GPM6B: variants seen among roughly 807,000 people sequenced by gnomAD.
The protein encoded by GPM6B is neuronal membrane glycoprotein M6-b.
GPM6B carries 4 observed loss-of-function variants against 27.2 expected under a neutral mutation model. That is an observed-to-expected ratio of 0.15 (90% CI 0.07 to 0.34). GPM6B has a LOEUF of 0.34. Ranked by LOEUF, GPM6B falls within the 10% of genes least tolerant of loss-of-function variation. The pLI, the probability that GPM6B is intolerant of heterozygous loss-of-function variation, is 1.00. For missense variants in GPM6B, 183 were observed against 261.9 expected, an observed-to-expected ratio of 0.70 and a Z score of 2.08; for synonymous variants, 124 against 103.1, an observed-to-expected ratio of 1.20 and a Z score of -1.23.
At chrX:13,924,455 G>C (rs939387240) in intron 1 of GPM6B, among the ~76,000 whole-genome samples, 2 of 109,753 alleles carry the variant, frequency 1.8e-5, no homozygotes, top group Non-Finnish European at 3.8e-5. Flanking sequence ...GCGTATCACC[G>C]GCCAGGCTAA....
intron 1 of GPM6B, among the ~76,000 whole-genome samples, chrX:13,840,420 C>T (rs1369113183): frequency 1.8e-5 from 2 of 111,718 alleles, no homozygotes; most frequent in African/African-American, 6.5e-5. Flanking sequence ...GGAAGGCTGA[C>T]ACCACGCGCC....
chrX:13,861,960 G>C (rs5978666), intron 1 of GPM6B, among the ~76,000 whole-genome samples: 31,373 of 110,507 alleles, frequency 0.28, 4,109 homozygotes, highest in African/African-American at 0.51. Flanking sequence ...GAAATGGTAA[G>C]AATCAACAGT....
intron 1 of GPM6B, among the ~76,000 whole-genome samples, chrX:13,812,289 T>C (rs2049151646): frequency 9.1e-6 from 1 of 110,296 alleles, no homozygotes. Context: ...TCTTGACCTC[T>C]TGATCCGCCC....
chrX:13,860,766 CTT>C (rs2049835898), intron 1 of GPM6B, among the ~76,000 whole-genome samples: 1 of 109,711 alleles, frequency 9.1e-6, no homozygotes, highest in Non-Finnish European at 1.9e-5. Flanking sequence ...AATGTGTAGT[CTT>C]TTATCCCTTG....
At chrX:13,888,081 C>T (rs1287103381) in intron 1 of GPM6B, among the ~76,000 whole-genome samples, 1 of 112,358 alleles carries the variant, frequency 8.9e-6, no homozygotes, top group Non-Finnish European at 1.9e-5. Flanking sequence ...TCCCTAAAGA[C>T]ACTTTCAGTA....
At position 13,772,361 on chromosome X, in the gene GPM6B, A is replaced by C. The variant is rs1340630134; in HGVS notation, c.*520T>G. The C allele has an allele frequency of 1.8e-5, 2 of 112,424 alleles. No homozygotes were observed. Among genetic ancestry groups the C allele is most frequent in the African/African-American group, 6.5e-5 (2 of 30,887 alleles). 9.3% of individuals were successfully genotyped at this position (112,424 alleles called of 1,213,427 possible). On this transcript the variant is annotated 3_prime_UTR_variant, in exon 8 of 8. Coordinates refer to ENST00000316715, the MANE Select transcript of GPM6B (RefSeq NM_001001995.3). Reference sequence around the variant, plus strand: ...AAAGCTAGTTTGAGAAATCAATCATAAGAATCACATTATCTTTGATCCAAA... The same window carrying C: ...AAAGCTAGTTTGAGAAATCAATCATCAGAATCACATTATCTTTGATCCAAA...
At chrX:13,918,268 T>TG (rs1035679955) in intron 1 of GPM6B, among the ~76,000 whole-genome samples, 2 of 112,969 alleles carry the variant, frequency 1.8e-5, no homozygotes, top group African/African-American at 6.4e-5. Flanking sequence ...CAACGACAGT[T>TG]GGGAAGCTGG....
At chrX:13,799,385 GTATTAT>G (rs1211626204) in intron 2 of GPM6B, among the ~76,000 whole-genome samples, 4 of 89,552 alleles carry the variant, frequency 4.5e-5, no homozygotes, top group Non-Finnish European at 6.4e-5. Flanking sequence ...GCTGATTTTT[GTATTAT>G]TATTATTATT....
intron 1 of GPM6B, among the ~76,000 whole-genome samples, chrX:13,888,728 A>C (rs1371478134): frequency 9.0e-6 from 1 of 111,521 alleles, no homozygotes; most frequent in Non-Finnish European, 1.9e-5. Context: ...GAAATGAAGT[A>C]GAAAAAAAAT....
At chrX:13,814,466 A>G (rs1163438124) in intron 1 of GPM6B, among the ~76,000 whole-genome samples, 2 of 112,731 alleles carry the variant, frequency 1.8e-5, no homozygotes, top group Non-Finnish European at 3.8e-5. Context: ...AAAACATAAA[A>G]AACGGATCCA....
chrX:13,791,206 T>C, intron 2 of GPM6B, among the ~76,000 whole-genome samples: 1 of 101,651 alleles, frequency 9.8e-6, no homozygotes, highest in Admixed American at 1.0e-4. Flanking sequence ...CAATGCCAGG[T>C]TTTTTTTTTT....
chrX:13,932,261 G>A (rs915872938), intron 1 of GPM6B, among the ~76,000 whole-genome samples: 12 of 111,151 alleles, frequency 1.1e-4, no homozygotes, highest in Non-Finnish European at 1.9e-4. Context: ...TGTATCCAGG[G>A]CCTGGACCAT....
At chrX:13,886,029 T>C (rs771470887) in intron 1 of GPM6B, among the ~76,000 whole-genome samples, 20 of 112,559 alleles carry the variant, frequency 1.8e-4, no homozygotes, top group Admixed American at 1.3e-3. Flanking sequence ...ACGTATGCTT[T>C]TGCGATATAC....
intron 1 of GPM6B, among the ~76,000 whole-genome samples, chrX:13,823,893 A>C (rs2049340945): frequency 8.9e-6 from 1 of 112,253 alleles, no homozygotes; most frequent in Admixed American, 9.4e-5. Flanking sequence ...CCTGTGATGG[A>C]AACTGGTGCT....
In GPM6B at chrX:13,833,605, C is replaced by G. The variant is rs1004359030; in HGVS notation, c.-197-47797G>C. 5.6e-5 allele frequency among the ~76,000 whole-genome samples: 6 copies of G among 107,104 alleles called. No homozygotes were observed. In the Admixed American group the frequency reaches 6.0e-4, roughly 11 times the overall value. The allele number at this position is 107,104 out of a possible 115,157, so 93.0% of individuals were successfully genotyped here. On this transcript the variant is annotated intron_variant, in intron 1 of 6. Coordinates refer to the GPM6B transcript ENST00000398361. ...AATTAGCTAGGCTTGGTGGCATGCA[C>G]CTGTAGTCCTATTCAGGAGGCTGAG...
chrX:13,798,114 A>G (rs767134324), intron 2 of GPM6B, among the ~76,000 whole-genome samples: 2 of 111,078 alleles, frequency 1.8e-5, no homozygotes, highest in South Asian at 3.9e-4. Context: ...CACCATATGC[A>G]TATCAATTAC....
chrX:13,871,196 T>C (rs1441596636), intron 1 of GPM6B, among the ~76,000 whole-genome samples: 1 of 112,205 alleles, frequency 8.9e-6, no homozygotes, highest in African/African-American at 3.2e-5. Flanking sequence ...GAGACTCTAT[T>C]AGGGACTTCA....
intron 1 of GPM6B, among the ~76,000 whole-genome samples, chrX:13,920,256 G>C (rs1387386615): frequency 2.0e-5 from 1 of 50,694 alleles, no homozygotes; most frequent in African/African-American, 8.7e-5. Context: ...AACAGAGTAA[G>C]ACTCTGTCTC....
intron 1 of GPM6B, among the ~76,000 whole-genome samples, chrX:13,825,389 C>T (rs2049360596): frequency 8.9e-6 from 1 of 112,066 alleles, no homozygotes; most frequent in Non-Finnish European, 1.9e-5. Context: ...GATGCCAAGG[C>T]AGAAGGTACA....
Sources: gnomAD v4.1 joint callset for allele counts (sites outside exome capture counted in the v4.1 genomes callset) on GRCh38, gnomAD v4.1.1 for gene constraint, MANE v1.5 for transcripts, NCBI Gene and HGNC (gene_info 2026-07-23, HGNC 2026-07-21) for gene names.